Variants in GABRQ observed in about 807,000 individuals in gnomAD.
The protein encoded by GABRQ is gamma-aminobutyric acid receptor subunit theta.
Under a neutral mutation model 30.5 loss-of-function variants are expected in GABRQ, and 19 were observed. That is an observed-to-expected ratio of 0.62 (90% CI 0.43 to 0.91). GABRQ has a LOEUF of 0.91. Among genes scored for constraint, GABRQ ranks in the 40% least tolerant of loss-of-function variants. The pLI is 0.00. For synonymous variants in GABRQ, 187 were observed against 210.2 expected, an observed-to-expected ratio of 0.89 and a Z score of 0.95; for missense variants, 520 against 521.4, an observed-to-expected ratio of 1.00 and a Z score of 0.03.
Position 152,652,976 on chromosome X carries a change from T to C in GABRQ, c.1594T>C (p.Trp532Arg), listed in dbSNP as rs782323102. Residue 532 changes from tryptophan to arginine, a missense_variant, in exon 9 of 9, where the codon TGG (tryptophan) becomes CGG (arginine). Transcript: ENST00000598523. ...HGEKGVQEAG[W>R]DLDDNNDKSD... ...CGAGAAGGGTGTGCAAGAAGCAGGC[T>C]GGGACCTTGATGACAACAATGACAA... The C allele has an allele frequency of 8.3e-7, 1 of 1,211,344 alleles. No homozygotes were observed. Among genetic ancestry groups the C allele is most frequent in the South Asian group, 1.8e-5 (1 of 56,969 alleles).
chrX:152,644,135 T>C (rs1556818829), intron 2 of GABRQ, among the ~76,000 whole-genome samples: 1 of 110,313 alleles, frequency 9.1e-6, no homozygotes, highest in East Asian at 2.8e-4. Flanking sequence ...ACAAACACGC[T>C]CCCACATCTA....
chrX:152,645,529 GC>G lies in GABRQ; in HGVS notation c.245del (p.Pro82LeufsTer4). The part of the protein sequence containing the change: ...DVRLRPNFGG[A>X]PVPVRISIYV... ...AACTGTGTCTTTCTGTCTTCTAGGT[GC>G]CCCTGTGCCTGTGAGAATATCTATT... On this transcript the variant is annotated frameshift_variant, in exon 3 of 9. Coordinates refer to ENST00000598523, the MANE Select transcript of GABRQ (RefSeq NM_018558.4). LOFTEE classifies it high-confidence loss of function. 1 of 1,089,546 alleles carries G rather than the reference GC, an allele frequency of 9.2e-7. No homozygotes were observed. Among genetic ancestry groups the G allele is most frequent in the Non-Finnish European group, 1.3e-6 (1 of 784,317 alleles). 89.8% of individuals were successfully genotyped at this position (1,089,546 alleles called of 1,213,427 possible). A position where few individuals can be genotyped will look rare whatever the true frequency, so the allele number is the denominator to read the frequency against.
intron 1 of GABRQ, 28 bp downstream of exon 1, chrX:152,638,379 G>A: frequency 1.7e-6 from 2 of 1,195,233 alleles, no homozygotes; most frequent in Non-Finnish European, 2.3e-6. Flanking sequence ...GGCTAGGCAC[G>A]GCGGGGACGG....
intron 1 of GABRQ, among the ~76,000 whole-genome samples, chrX:152,639,010 T>G (rs1037607215): frequency 6.3e-5 from 7 of 111,054 alleles, no homozygotes; most frequent in Non-Finnish European, 1.3e-4. Context: ...TTTCTCTTTT[T>G]GATTTTAAGT....
chrX:152,652,847 C>T lies in GABRQ; in HGVS notation c.1465C>T (p.His489Tyr). ...PTEIRNRVEAHGHGVTHDHED... is the reference protein window; with the variant it reads ...PTEIRNRVEAYGHGVTHDHED... ...CGAAATCCGCAACCGTGTCGAAGCC[C>T]ATGGCCATGGTGTTACCCATGACCA... Residue 489 changes from histidine to tyrosine, a missense_variant, in exon 9 of 9, where the codon CAT becomes TAT. By Grantham distance (83) the His-to-Tyr change is moderately conservative. Coordinates refer to ENST00000598523, the MANE Select transcript of GABRQ (RefSeq NM_018558.4). The T allele has an allele frequency of 8.3e-7, 1 of 1,210,293 alleles. No homozygotes were observed.
chrX:152,648,162 C>T (rs1930933310), intron 4 of GABRQ, among the ~76,000 whole-genome samples: 1 of 110,805 alleles, frequency 9.0e-6, no homozygotes, highest in Admixed American at 9.5e-5. Context: ...ATCCAGTGTA[C>T]AAAATGGAAA....
Position 152,652,981 on chromosome X carries a change from C to A in GABRQ, c.1599C>A (p.Asp533Glu), listed in dbSNP as rs781921957. The change falls in exon 9 of 9, where the codon GAC becomes GAA. Residue 533 changes from aspartate (D) to glutamate (E), a missense_variant. Asp to Glu is a conservative substitution (Grantham distance 45). Coordinates refer to ENST00000598523, the MANE Select transcript of GABRQ (RefSeq NM_018558.4). ...AGGGTGTGCAAGAAGCAGGCTGGGA[C>A]CTTGATGACAACAATGACAAGAGCG... ...GEKGVQEAGW[D>E]LDDNNDKSDC... 8.3e-7 allele frequency: 1 copy of A among 1,210,873 alleles called. No homozygotes were observed. The highest frequency in any genetic ancestry group is 1.8e-5 in the South Asian group (1 of 56,948).
Position 152,640,445 on chromosome X carries a change from C to T in GABRQ, c.217C>T (p.Arg73Cys), listed in dbSNP as rs200034729. 10 of 1,178,432 alleles carry T rather than the reference C, an allele frequency of 8.5e-6. No individual in the cohort carries two copies. The highest frequency in any genetic ancestry group is 5.3e-5 in the South Asian group (3 of 56,179). ...LDRVLSRYDV[R>C]LRPNFGGAPV... ...CAGGGTGCTGTCAAGATACGATGTC[C>T]GCCTGAGACCGAATTTTGGAGGTAA... Residue 73 changes from arginine to cysteine, a missense_variant, in exon 2 of 9, where the codon CGC (arginine) becomes TGC (cysteine). Transcript: ENST00000598523.
At chrX:152,639,378 G>GCACACACACACA (rs199710373) in intron 1 of GABRQ, among the ~76,000 whole-genome samples, 1,903 of 103,319 alleles carry the variant, frequency 0.018, 56 homozygotes, top group African/African-American at 0.065. Flanking sequence ...ATGCGCGTGC[G>GCACACACACACA]CACACACACA....
intron 2 of GABRQ, among the ~76,000 whole-genome samples, chrX:152,645,311 C>T (rs1359442658): frequency 1.8e-5 from 2 of 111,900 alleles, no homozygotes; most frequent in African/African-American, 6.5e-5. Flanking sequence ...TTGCACACAT[C>T]GTGGGCGAGG....
Position 152,646,944 on chromosome X carries a change from C to T in GABRQ, c.307-4C>T. ...ACAACTGGGATTTACATTTGTCTTC[C>T]CAGGACTACACGATCACGATGTTTT... On this transcript the variant is annotated splice_region_variant and splice_polypyrimidine_tract_variant and intron_variant, in intron 3 of 8. Coordinates refer to ENST00000598523, the MANE Select transcript of GABRQ (RefSeq NM_018558.4). The T allele has an allele frequency of 8.4e-7, 1 of 1,185,748 alleles. No individual in the cohort carries two copies. The highest frequency in any genetic ancestry group is 1.1e-6 in the Non-Finnish European group (1 of 872,116).
In GABRQ at chrX:152,638,071, A is replaced by G. The variant is rs1930653558; in HGVS notation, c.-132A>G. The G allele has an allele frequency of 3.6e-6, 2 of 557,335 alleles. No individual in the cohort carries two copies. Among genetic ancestry groups the G allele is most frequent in the Admixed American group, 3.6e-5 (1 of 27,545 alleles). 45.9% of individuals were successfully genotyped at this position (557,335 alleles called of 1,213,427 possible). A position where few individuals can be genotyped will look rare whatever the true frequency, so the allele number is the denominator to read the frequency against. On this transcript the variant is annotated 5_prime_UTR_variant, in exon 1 of 9. Coordinates refer to ENST00000598523, the MANE Select transcript of GABRQ (RefSeq NM_018558.4). ...CTTGCCCTCGCTGCTCTCTCCTTAG[A>G]GGCGACTCTTTGGGGAAGGGCCAGC... is the stretch of plus-strand genomic sequence containing the variant.
intron 3 of GABRQ, 79 bp from the exon 4 acceptor site, chrX:152,646,861 GCACACATA>G: frequency 1.7e-6 from 1 of 574,797 alleles, no homozygotes; most frequent in Non-Finnish European, 3.0e-6. Flanking sequence ...ACAAGTGCAT[GCACACATA>G]CACACACACC....
At chrX:152,642,300 C>T (rs1930777535) in intron 2 of GABRQ, among the ~76,000 whole-genome samples, 1 of 111,877 alleles carries the variant, frequency 8.9e-6, no homozygotes, top group Non-Finnish European at 1.9e-5. Context: ...AAATTCCCCT[C>T]TGTGTGAGAG....
intron 4 of GABRQ, among the ~76,000 whole-genome samples, chrX:152,648,123 A>G (rs1556819523): frequency 2.7e-5 from 3 of 111,694 alleles, no homozygotes; most frequent in African/African-American, 9.8e-5. Flanking sequence ...AAAAACACAC[A>G]TGCACTCACA....
chrX:152,657,875 G>T (rs1360907336), downstream of GABRQ, among the ~76,000 whole-genome samples: 1 of 112,559 alleles, frequency 8.9e-6, no homozygotes, highest in East Asian at 2.8e-4. Context: ...ACTTGAGCCC[G>T]CAAGTCAAGG....
chrX:152,647,810 C>T (rs1930924183), intron 4 of GABRQ, among the ~76,000 whole-genome samples: 1 of 111,771 alleles, frequency 8.9e-6, no homozygotes, highest in South Asian at 3.8e-4. Context: ...CTCCTCACAG[C>T]GGCATCTCTT....
chrX:152,652,613 C>A lies in GABRQ; in HGVS notation c.1231C>A (p.Pro411Thr). Residue 411 changes from proline to threonine, a missense_variant, in exon 9 of 9, where the codon CCG becomes ACG. Pro to Thr is a conservative substitution (Grantham distance 38). Transcript: ENST00000598523. ...ITPAQAPLAS[P>T]ESLGSLTSTS... ...CCCAGCGCAGGCCCCCCTGGCAAGC[C>A]CGGAAAGCCTCGGTTCTTTGACGTC... 1 of 1,210,398 alleles carries A rather than the reference C, an allele frequency of 8.3e-7. No homozygotes were observed. Among genetic ancestry groups the A allele is most frequent in the Non-Finnish European group, 1.1e-6 (1 of 894,302 alleles).
chrX:152,652,793 T>C lies in GABRQ; in HGVS notation c.1411T>C (p.Phe471Leu). 8.3e-7 allele frequency: 1 copy of C among 1,210,659 alleles called. No individual in the cohort carries two copies. The highest frequency in any genetic ancestry group is 2.3e-4 in the Middle Eastern group (1 of 4,353). The change falls in exon 9 of 9, where the codon TTC becomes CTC. Residue 471 changes from phenylalanine to leucine, a missense_variant. By Grantham distance (22) the Phe-to-Leu change is conservative. Coordinates refer to ENST00000598523, the MANE Select transcript of GABRQ (RefSeq NM_018558.4). The part of the protein sequence containing the change: ...RHSYGVRFNG[F>L]QADDSIIPTE... ...CAGCTATGGTGTTCGCTTTAATGGTTTCCAGGCTGATGACAGTATTATTCC... is the reference window on the plus strand; with the variant it reads ...CAGCTATGGTGTTCGCTTTAATGGTCTCCAGGCTGATGACAGTATTATTCC...
Sources: allele counts gnomAD v4.1 joint callset (sites outside exome capture counted in the v4.1 genomes callset), GRCh38; gene constraint gnomAD v4.1.1; transcripts MANE v1.5; gene names NCBI Gene and HGNC (gene_info 2026-07-23, HGNC 2026-07-21).